The following TCOF1 variants were observed in gnomAD, a reference collection of about 807,000 sequenced individuals.
TCOF1 encodes the protein treacle ribosome biogenesis factor 1.
Under a neutral mutation model 149.0 loss-of-function variants are expected in TCOF1, and 33 were observed. That is an observed-to-expected ratio of 0.22 (90% CI 0.17 to 0.30). TCOF1 has a LOEUF of 0.30. Among genes scored for constraint, TCOF1 ranks in the 10% least tolerant of loss-of-function variants. The pLI, the probability that TCOF1 is intolerant of heterozygous loss-of-function variation, is 1.00. For missense variants in TCOF1, 1,728 were observed against 1,840.7 expected, an observed-to-expected ratio of 0.94 and a Z score of 1.12; for synonymous variants, 789 against 738.8, an observed-to-expected ratio of 1.07 and a Z score of -1.10.
intron 23 of TCOF1, among the ~76,000 whole-genome samples, chr5:150,395,202 G>C (rs1285302449): frequency 2.0e-5 from 3 of 152,216 alleles, no homozygotes; most frequent in Admixed American, 1.3e-4. Flanking sequence ...TGCTGCAGGG[G>C]GCAGCCCTAG....
At chr5:150,369,719 AC>A in intron 6 of TCOF1, 117 bp downstream of exon 6, 2 of 1,158,006 alleles carry the variant, frequency 1.7e-6, no homozygotes, top group Non-Finnish European at 2.5e-6. Flanking sequence ...TGGTAGGGTG[AC>A]CAGGAGCTGG....
intron 23 of TCOF1, chr5:150,393,914 G>A (rs1767926520): frequency 6.1e-6 from 2 of 328,134 alleles, no homozygotes; most frequent in African/African-American, 2.1e-5. Context: ...GAGAGGCCAA[G>A]GCAGAAGAAT....
At chr5:150,373,359 G>T (rs990369664) in intron 7 of TCOF1, among the ~76,000 whole-genome samples, 1 of 152,242 alleles carries the variant, frequency 6.6e-6, no homozygotes, top group Non-Finnish European at 1.5e-5. Context: ...GAACTTTTAT[G>T]TAAAATCTGC....
In TCOF1 at chr5:150,380,076, AAAAAAAAAAG is replaced by A; in HGVS notation, c.2859+353_2859+362del. 6 of 265,564 alleles carry A rather than the reference AAAAAAAAAAG, an allele frequency of 2.3e-5. No homozygotes were observed. In the South Asian group the frequency reaches 2.5e-4, roughly 11 times the overall value. 16.5% of individuals were successfully genotyped at this position (265,564 alleles called of 1,614,324 possible). A position where few individuals can be genotyped will look rare whatever the true frequency, so the allele number is the denominator to read the frequency against. On this transcript the variant is annotated intron_variant, in intron 17 of 26. Transcript: ENST00000643257. The stretch of plus-strand genomic sequence containing the variant: ...GATGAGAGTGAGACTGTCTCAAAAA[AAAAAAAAAAG>A]AAAAAAAAGAAAAGTGAAAAACCAG...
rs1393473624 is a variant in TCOF1, at chr5:150,376,214, G to A, written c.2026G>A (p.Ala676Thr). ...GAAAGCAGGAACTGCGACTTCTCCA[G>A]CAGGCTCATCCCCAGCTGTGGCTGG... is the stretch of plus-strand genomic sequence containing the variant. ...PRKAGTATSP[A>T]GSSPAVAGGT... Residue 676 changes from alanine to threonine, a missense_variant, in exon 13 of 27, where the codon GCA (alanine) becomes ACA (threonine). Around this residue, in one of 2 missense-constraint regions of TCOF1, gnomAD observed 1,696 missense variants for 1,765.4 expected, o/e 0.96. Coordinates refer to ENST00000643257, the MANE Select transcript of TCOF1 (RefSeq NM_001371623.1). 1 of 1,614,224 alleles carries A rather than the reference G, an allele frequency of 6.2e-7. No homozygotes were observed. Among genetic ancestry groups the A allele is most frequent in the East Asian group, 2.2e-5 (1 of 44,888 alleles).
chr5:150,392,848 G>A, intron 22 of TCOF1, 58 bp downstream of exon 22: 1 of 1,581,200 alleles, frequency 6.3e-7, no homozygotes, highest in Admixed American at 1.7e-5. Context: ...CCCCAGGCCA[G>A]GCTCCTGTCT....
chr5:150,377,098 G>A (rs191485391), intron 14 of TCOF1, among the ~76,000 whole-genome samples: 93 of 152,340 alleles, frequency 6.1e-4, no homozygotes, highest in African/African-American at 2.2e-3. Context: ...GGTGAAATGG[G>A]CAGGGAGAGT....
chr5:150,390,860 G>A (rs562776351), intron 19 of TCOF1, among the ~76,000 whole-genome samples: 31 of 152,336 alleles, frequency 2.0e-4, no homozygotes, highest in African/African-American at 7.2e-4. Context: ...TCCCAGGCCA[G>A]TCAGGGAGTG....
chr5:150,385,191 T>G (rs1766035359), intron 17 of TCOF1: 2 of 692,154 alleles, frequency 2.9e-6, no homozygotes, highest in Non-Finnish European at 3.6e-6. Context: ...TAAGGCCAAC[T>G]TCTTCTATTA....
chr5:150,368,551 G>A, intron 4 of TCOF1, 165 bp from the exon 5 acceptor site: 4 of 717,636 alleles, frequency 5.6e-6, no homozygotes, highest in Middle Eastern at 3.5e-4. Flanking sequence ...GTGAGAGGAG[G>A]TGCTGTTTTT....
intron 1 of TCOF1, among the ~76,000 whole-genome samples, chr5:150,360,721 A>C (rs528522965): frequency 6.6e-6 from 1 of 151,504 alleles, no homozygotes; most frequent in South Asian, 2.1e-4. Flanking sequence ...TTCCCAGAGC[A>C]AAAAGACCCT....
At chr5:150,361,025 C>A in intron 1 of TCOF1, 131 bp from the exon 2 acceptor site, 1 of 1,149,688 alleles carries the variant, frequency 8.7e-7, no homozygotes, top group Non-Finnish European at 1.3e-6. Flanking sequence ...TATGAGCCAC[C>A]ATGCCCAGCC....
At chr5:150,389,578 A>T (rs533774424) in intron 18 of TCOF1, among the ~76,000 whole-genome samples, 1 of 152,330 alleles carries the variant, frequency 6.6e-6, no homozygotes, top group South Asian at 2.1e-4. Context: ...CTGCAAGGAG[A>T]GTCGTTTGGT....
At position 150,372,067 on chromosome 5, in the gene TCOF1, C is replaced by T. The variant is rs200344000; in HGVS notation, c.701C>T (p.Pro234Leu). 1.2e-6 allele frequency: 2 copies of T among 1,614,110 alleles called. No individual in the cohort carries two copies. The highest frequency in any genetic ancestry group is 1.7e-6 in the Non-Finnish European group (2 of 1,180,044). The change falls in exon 7 of 27, where the codon CCA (proline) becomes CTA (leucine). Residue 234 changes from proline (P) to leucine (L), a missense_variant. Transcript: ENST00000643257. ...TCATCAGTTTCTACTAAGGAGTCTC[C>T]AGCAAGAAAGGCGGCCCCAGCCCCT... ...KASSVSTKES[P>L]ARKAAPAPGK...
At chr5:150,392,515 G>A (rs144816594) in intron 21 of TCOF1, 190 bp from the exon 22 acceptor site, 4 of 631,220 alleles carry the variant, frequency 6.3e-6, no homozygotes, top group East Asian at 2.8e-5. Flanking sequence ...TTCAAATGTC[G>A]CACCTAGCAT....
At chr5:150,388,602 G>A (rs1164482214) in intron 18 of TCOF1, among the ~76,000 whole-genome samples, 1 of 152,190 alleles carries the variant, frequency 6.6e-6, no homozygotes, top group Non-Finnish European at 1.5e-5. Context: ...TACAGTTATT[G>A]TAACAGTTTT....
intron 22 of TCOF1, 42 bp from the exon 23 acceptor site, chr5:150,393,330 G>T (rs1450784125): frequency 6.2e-7 from 1 of 1,612,644 alleles, no homozygotes; most frequent in Non-Finnish European, 8.5e-7. Flanking sequence ...TATGGCAGTG[G>T]GGTGGGGTGG....
chr5:150,369,467 T>C (rs1174460132), intron 5 of TCOF1, 62 bp from the exon 6 acceptor site: 10 of 1,595,942 alleles, frequency 6.3e-6, no homozygotes, highest in Non-Finnish European at 8.6e-6. Context: ...GGGGAGGTGC[T>C]GGGGAGGGGC....
rs760564202 is a variant in TCOF1 at position 150,364,212 on chromosome 5, G to A, written c.264G>A (p.Ser88=). Residue 88 remains serine (S), a synonymous_variant, in exon 3 of 27, where the codon TCG becomes TCA. Transcript: ENST00000643257. ...VSDPISTSES[S]EEEEEAEAET... ...ACCCCATCAGCACCTCGGAGAGCTCGGAAGAGGAGGAAGAAGCAGAAGCCG... is the reference window on the plus strand; with the variant it reads ...ACCCCATCAGCACCTCGGAGAGCTCAGAAGAGGAGGAAGAAGCAGAAGCCG... The A allele has an allele frequency of 4.9e-5, 79 of 1,614,158 alleles. No homozygotes were observed. The highest frequency in any genetic ancestry group is 4.0e-4 in the South Asian group (36 of 91,080).
Sources: gnomAD v4.1 joint callset for allele counts (sites outside exome capture counted in the v4.1 genomes callset) on GRCh38, gnomAD v4.1.1 for gene constraint, gnomAD v4.1.1 regional missense constraint, MANE v1.5 for transcripts, NCBI Gene and HGNC (gene_info 2026-07-23, HGNC 2026-07-21) for gene names.